The following LRRC49 variants were observed in gnomAD, a reference collection of about 807,000 sequenced individuals.
LRRC49 encodes the protein leucine rich repeat containing 49, also known as leucine-rich repeat-containing protein 49.
LRRC49 carries 50 observed loss-of-function variants against 83.3 expected under a neutral mutation model. That is an observed-to-expected ratio of 0.60 (90% confidence interval 0.48 to 0.76). The LOEUF (loss-of-function observed/expected upper bound fraction) is 0.76, where lower values mean the gene tolerates loss of function less well. Ranked by LOEUF, LRRC49 falls within the 30% of genes least tolerant of loss-of-function variation. The probability of loss-of-function intolerance (pLI) is 0.00; values close to 1 mark genes in which losing one functional copy is unlikely to be tolerated. For missense variants in LRRC49, 704 were observed against 809.1 expected, an observed-to-expected ratio of 0.87 and a Z score of 1.58; for synonymous variants, 286 against 283.3, an observed-to-expected ratio of 1.01 and a Z score of -0.10.
At chr15:71,037,409 T>C (rs2039558529) in intron 15 of LRRC49, 77 bp downstream of exon 15, 1 of 1,190,118 alleles carries the variant, frequency 8.4e-7, no homozygotes. Context: ...GTTGTACATT[T>C]TACCCTTAGT....
intron 10 of LRRC49, 72 bp from the exon 11 acceptor site, chr15:70,984,022 A>G (rs900686641): frequency 1.8e-6 from 2 of 1,115,520 alleles, no homozygotes; most frequent in African/African-American, 1.6e-5. Context: ...CACAAACAAT[A>G]TGCCCCTTAG....
In LRRC49 at chr15:71,049,399, T is replaced by C. The variant is rs760587083; in HGVS notation, c.1858-10T>C. ...TGATTTAATACAAAACTTTCTCTTT[T>C]TTTTAACAGGAAATAAAGGAAAAGA... is the stretch of plus-strand genomic sequence containing the variant. On this transcript the variant is annotated splice_polypyrimidine_tract_variant and intron_variant, in intron 15 of 15. Transcript: ENST00000260382. The C allele has an allele frequency of 1.3e-6, 2 of 1,537,648 alleles. No homozygotes were observed. The highest frequency in any genetic ancestry group is 2.4e-5 in the South Asian group (2 of 83,498).
At chr15:71,033,494 A>G (rs1234755698) in intron 14 of LRRC49, among the ~76,000 whole-genome samples, 1 of 152,350 alleles carries the variant, frequency 6.6e-6, no homozygotes, top group East Asian at 1.9e-4. Context: ...TGCTACTTCC[A>G]TTAAACTACC....
intron 8 of LRRC49, among the ~76,000 whole-genome samples, chr15:70,951,885 A>G (rs1321324864): frequency 6.6e-6 from 1 of 152,048 alleles, no homozygotes; most frequent in Non-Finnish European, 1.5e-5. Flanking sequence ...CAGTAAGATG[A>G]CATTGTCTAT....
In LRRC49 at chr15:70,879,645, T is replaced by TG. The variant is rs564859372; in HGVS notation, c.18+6426dup. On this transcript the variant is annotated intron_variant, in intron 2 of 16. Transcript: ENST00000544974. ...AGATTTGGGTGGAGTTTATGAGATT[T>TG]GGGGTCTCCTCCCCTCTGGCTTCCT... 2.6e-3 allele frequency among the ~76,000 whole-genome samples: 391 copies of TG among 152,286 alleles called. 4 individuals carry two copies. The highest frequency in any genetic ancestry group is 9.2e-3 in the African/African-American group (381 of 41,546).
At chr15:70,986,017 G>C (rs1018609733) in intron 11 of LRRC49, among the ~76,000 whole-genome samples, 44 of 151,770 alleles carry the variant, frequency 2.9e-4, no homozygotes, top group African/African-American at 9.9e-4. Context: ...GTATCATGCT[G>C]TTTTGGTTAT....
At chr15:70,896,049 T>G (rs1460990445) in intron 3 of LRRC49, 113 bp downstream of exon 3, 4 of 632,694 alleles carry the variant, frequency 6.3e-6, no homozygotes, top group Non-Finnish European at 1.0e-5. Context: ...ATGAAATTGT[T>G]CATTGGGACC....
chr15:70,872,286 TG>T (rs2033064289), intron 1 of LRRC49, among the ~76,000 whole-genome samples: 2 of 152,118 alleles, frequency 1.3e-5, no homozygotes. Context: ...TCCCAGGCAC[TG>T]GGCAGGCTGA....
At chr15:71,027,418 C>T (rs1048924858) in intron 14 of LRRC49, among the ~76,000 whole-genome samples, 3 of 152,150 alleles carry the variant, frequency 2.0e-5, no homozygotes, top group African/African-American at 7.2e-5. Context: ...ATTGCCTTGC[C>T]TATATGGGCT....
At chr15:70,990,112 C>A (rs1182298544) in intron 11 of LRRC49, among the ~76,000 whole-genome samples, 7 of 152,166 alleles carry the variant, frequency 4.6e-5, no homozygotes, top group East Asian at 1.9e-4. Flanking sequence ...GGCAGTCTGC[C>A]CGTTCTCAGA....
intron 11 of LRRC49, among the ~76,000 whole-genome samples, chr15:70,989,393 T>A (rs2037769005): frequency 6.6e-6 from 1 of 152,208 alleles, no homozygotes; most frequent in African/African-American, 2.4e-5. Flanking sequence ...TCATCTTCCA[T>A]CACTGATATC....
chr15:70,860,174 AG>A (rs1366697138), intron 1 of LRRC49: 1 of 672,102 alleles, frequency 1.5e-6, no homozygotes, highest in Non-Finnish European at 2.7e-6. Context: ...CAGACGCGGC[AG>A]CCCCTCCCAT....
Position 70,984,261 on chromosome 15 carries a change from T to C in LRRC49, c.1169+4T>C, listed in dbSNP as rs774584637. ...CTGCATTCCCAGAGGAAACAGGGTATGCAATGGTATTTTTTCAAGATACAA... is the reference window on the plus strand; with the variant it reads ...CTGCATTCCCAGAGGAAACAGGGTACGCAATGGTATTTTTTCAAGATACAA... On this transcript the variant is annotated splice_donor_region_variant and intron_variant, in intron 11 of 15. Transcript: ENST00000260382. 1 of 1,593,056 alleles carries C rather than the reference T, an allele frequency of 6.3e-7. No individual in the cohort carries two copies. Among genetic ancestry groups the C allele is most frequent in the Non-Finnish European group, 8.5e-7 (1 of 1,170,308 alleles).
At chr15:70,998,973 C>T (rs1418250865) in intron 11 of LRRC49, among the ~76,000 whole-genome samples, 2 of 152,154 alleles carry the variant, frequency 1.3e-5, no homozygotes, top group Non-Finnish European at 2.9e-5. Flanking sequence ...GCTGTTGAAA[C>T]CCTCTAGAGA....
chr15:70,964,640 G>A (rs537245184), intron 9 of LRRC49, among the ~76,000 whole-genome samples: 25 of 152,202 alleles, frequency 1.6e-4, no homozygotes, highest in African/African-American at 5.3e-4. Flanking sequence ...GGTGTACAAT[G>A]TGTATTAGCA....
chr15:70,873,438 C>T (rs1412157297), intron 2 of LRRC49, among the ~76,000 whole-genome samples: 1 of 152,188 alleles, frequency 6.6e-6, no homozygotes, highest in Non-Finnish European at 1.5e-5. Flanking sequence ...GTGCTTGCTG[C>T]ATGACAAACA....
chr15:70,989,650 C>T (rs1224912058), intron 11 of LRRC49, among the ~76,000 whole-genome samples: 1 of 152,198 alleles, frequency 6.6e-6, no homozygotes, highest in African/African-American at 2.4e-5. Context: ...CATTCTCCGT[C>T]CAGCTTTGTT....
chr15:70,993,122 A>C (rs1178832589), intron 11 of LRRC49, among the ~76,000 whole-genome samples: 1 of 152,126 alleles, frequency 6.6e-6, no homozygotes, highest in Non-Finnish European at 1.5e-5. Flanking sequence ...TTGCAGTTAG[A>C]TCTCAGACTG....
At chr15:71,039,087 A>G (rs1232378282) in intron 15 of LRRC49, among the ~76,000 whole-genome samples, 2 of 152,192 alleles carry the variant, frequency 1.3e-5, no homozygotes, top group African/African-American at 2.4e-5. Context: ...CTTAAAAGAT[A>G]AAATATAGCT....
Sources: gnomAD v4.1 joint callset for allele counts (sites outside exome capture counted in the v4.1 genomes callset) on GRCh38, gnomAD v4.1.1 for gene constraint, MANE v1.5 for transcripts, NCBI Gene and HGNC (gene_info 2026-07-23, HGNC 2026-07-21) for gene names.